ITPK1: variants seen among roughly 807,000 people sequenced by gnomAD.
The protein encoded by ITPK1 is inositol-tetrakisphosphate 1-kinase, also known as inositol 1,3,4-trisphosphate 5/6-kinase.
ITPK1 carries 21 observed loss-of-function variants against 45.3 expected under a neutral mutation model. The ratio of observed to expected loss-of-function variants is 0.46; its 90% confidence interval spans 0.33 to 0.67. ITPK1 has a LOEUF of 0.67. ITPK1 is among the 30% of genes least tolerant of loss of function. ITPK1 has a pLI of 0.02. For synonymous variants in ITPK1, 258 were observed against 253.6 expected, an observed-to-expected ratio of 1.02 and a Z score of -0.16; for missense variants, 474 against 573.5, an observed-to-expected ratio of 0.83 and a Z score of 1.77.
chr14:93,016,594 T>C lies in ITPK1; in HGVS notation c.246+82A>G. ...TACCTCCAGAGAGCTGCTACCGCCC[T>C]AAATACACACACGGCCATTCCAGGG... On this transcript the variant is annotated intron_variant, in intron 4 of 10. Coordinates refer to ENST00000267615, the MANE Select transcript of ITPK1 (RefSeq NM_014216.6). The surrounding 1 kb of genome is among the most constrained non-coding windows in gnomAD (Gnocchi z 5.0). 1 of 1,514,056 alleles carries C rather than the reference T, an allele frequency of 6.6e-7. No homozygotes were observed. Among genetic ancestry groups the C allele is most frequent in the East Asian group, 2.3e-5 (1 of 44,078 alleles). 93.8% of individuals were successfully genotyped at this position (1,514,056 alleles called of 1,614,324 possible).
At chr14:93,006,226 C>A (rs1486608627) in intron 4 of ITPK1, among the ~76,000 whole-genome samples, 2 of 152,206 alleles carry the variant, frequency 1.3e-5, no homozygotes, top group African/African-American at 4.8e-5. Context: ...GTGTCCCAGG[C>A]CCAACAAGGG....
chr14:93,038,665 T>C (rs902605951), intron 3 of ITPK1, among the ~76,000 whole-genome samples: 2 of 152,158 alleles, frequency 1.3e-5, no homozygotes, highest in Non-Finnish European at 2.9e-5. Context: ...GTAGCTGGGA[T>C]TACAGGCATG....
intron 4 of ITPK1, among the ~76,000 whole-genome samples, chr14:92,994,402 G>A (rs1232780736): frequency 6.6e-6 from 1 of 152,144 alleles, no homozygotes; most frequent in African/African-American, 2.4e-5. Flanking sequence ...CAGAGGGTCT[G>A]CGGGAAGGTG....
At chr14:93,101,891 C>T (rs1022152714) in intron 2 of ITPK1, among the ~76,000 whole-genome samples, 2 of 152,214 alleles carry the variant, frequency 1.3e-5, no homozygotes, top group African/African-American at 4.8e-5. Flanking sequence ...CTCTCTGAGC[C>T]TCAGTCTCCA....
In ITPK1 at chr14:92,937,266, A is replaced by G. The variant is rs1452152495; in HGVS notation, c.*4295T>C. 1 of 152,264 alleles carries G rather than the reference A, an allele frequency of 6.6e-6. No individual in the cohort carries two copies. The highest frequency in any genetic ancestry group is 2.4e-5 in the African/African-American group (1 of 41,464). 9.4% of individuals were successfully genotyped at this position (152,264 alleles called of 1,614,324 possible). ...TGGGATTCTGGTGAAGTTGCTTGTGAACAGCTTGAAGCAAACAGCATTTGT... is the reference window on the plus strand; with the variant it reads ...TGGGATTCTGGTGAAGTTGCTTGTGGACAGCTTGAAGCAAACAGCATTTGT... On this transcript the variant is annotated 3_prime_UTR_variant, in exon 11 of 11. Transcript: ENST00000267615.
At chr14:93,084,165 A>G (rs1311140370) in intron 2 of ITPK1, among the ~76,000 whole-genome samples, 1 of 152,250 alleles carries the variant, frequency 6.6e-6, no homozygotes, top group Non-Finnish European at 1.5e-5. Context: ...GCCACCCACC[A>G]GCAGAGCCAG....
chr14:92,956,426 T>C (rs910290378), intron 8 of ITPK1, among the ~76,000 whole-genome samples: 5 of 152,086 alleles, frequency 3.3e-5, no homozygotes, highest in East Asian at 1.9e-4. Flanking sequence ...CCACCACGTC[T>C]GGTCTCCTGG....
chr14:93,104,138 C>T (rs1290455405), intron 2 of ITPK1, among the ~76,000 whole-genome samples: 1 of 152,204 alleles, frequency 6.6e-6, no homozygotes, highest in Admixed American at 6.5e-5. Context: ...CTGCCATCTC[C>T]ACCATGCACT....
At chr14:93,060,799 A>C (rs762808497) in intron 3 of ITPK1, among the ~76,000 whole-genome samples, 29 of 152,202 alleles carry the variant, frequency 1.9e-4, no homozygotes, top group Non-Finnish European at 4.0e-4. Context: ...TGTGACTAGA[A>C]ATATCACAGA....
chr14:92,968,898 C>A (rs1885510093), intron 5 of ITPK1, among the ~76,000 whole-genome samples: 1 of 152,198 alleles, frequency 6.6e-6, no homozygotes, highest in Non-Finnish European at 1.5e-5. Flanking sequence ...CAAGCTTGGG[C>A]ACCAGCCTTT....
chr14:92,962,945 G>GC, intron 5 of ITPK1, 96 bp from the exon 6 acceptor site: 1 of 729,132 alleles, frequency 1.4e-6, no homozygotes. Context: ...GGCCTTCAGT[G>GC]CCCCCACGCT....
chr14:93,072,411 T>G (rs1394350894), intron 3 of ITPK1, among the ~76,000 whole-genome samples: 1 of 152,136 alleles, frequency 6.6e-6, no homozygotes, highest in Non-Finnish European at 1.5e-5. Flanking sequence ...AATTCTCAGA[T>G]GAATATTGCC....
chr14:93,044,065 C>A (rs189271389), intron 3 of ITPK1, among the ~76,000 whole-genome samples: 31 of 152,156 alleles, frequency 2.0e-4, no homozygotes, highest in Non-Finnish European at 3.1e-4. Flanking sequence ...GAAGACAGAG[C>A]CAGAGGGTAC....
intron 10 of ITPK1, among the ~76,000 whole-genome samples, chr14:92,944,626 C>T (rs1021821333): frequency 2.0e-5 from 3 of 152,226 alleles, no homozygotes; most frequent in Admixed American, 2.0e-4. Flanking sequence ...CTGTGCCCCC[C>T]TGGCCCTCCA....
chr14:93,091,208 T>C, intron 2 of ITPK1, among the ~76,000 whole-genome samples: 1 of 152,250 alleles, frequency 6.6e-6, no homozygotes, highest in Non-Finnish European at 1.5e-5. Context: ...AATACAGATA[T>C]AATTTCAAGT....
chr14:93,049,420 C>T (rs1430573939), intron 3 of ITPK1, among the ~76,000 whole-genome samples: 1 of 152,154 alleles, frequency 6.6e-6, no homozygotes, highest in East Asian at 1.9e-4. Context: ...TAGGTCGGAC[C>T]AGCAAGTGCA....
intron 2 of ITPK1, among the ~76,000 whole-genome samples, chr14:93,097,690 C>T (rs908096915): frequency 6.6e-6 from 1 of 152,248 alleles, no homozygotes; most frequent in Non-Finnish European, 1.5e-5. Flanking sequence ...ATGCCCAATG[C>T]AGCTGTACCT....
chr14:92,997,439 A>G (rs1183461772), intron 4 of ITPK1, among the ~76,000 whole-genome samples: 3 of 152,260 alleles, frequency 2.0e-5, no homozygotes, highest in African/African-American at 7.2e-5. Context: ...TGAAAGCATC[A>G]GCATTAACAG....
At chr14:92,974,633 G>A (rs980908409) in intron 5 of ITPK1, among the ~76,000 whole-genome samples, 1 of 152,352 alleles carries the variant, frequency 6.6e-6, no homozygotes, top group Admixed American at 6.5e-5. Flanking sequence ...CATCTCTCAT[G>A]GGCATCGGGC....
Sources: allele counts gnomAD v4.1 joint callset (sites outside exome capture counted in the v4.1 genomes callset), GRCh38; gene constraint gnomAD v4.1.1; non-coding constraint Gnocchi (gnomAD v3.1); transcripts MANE v1.5; gene names NCBI Gene and HGNC (gene_info 2026-07-23, HGNC 2026-07-21).